MMP2: variants seen among roughly 807,000 people sequenced by gnomAD.
MMP2 encodes the protein 72 kDa type IV collagenase.
MMP2 carries 39 observed loss-of-function variants against 74.8 expected under a neutral mutation model. That is an observed-to-expected ratio of 0.52 (90% confidence interval 0.40 to 0.68). The LOEUF is 0.68. MMP2 is among the 30% of genes least tolerant of loss of function. The pLI is 0.00. For synonymous variants in MMP2, 367 were observed against 339.8 expected (o/e 1.08, Z -0.88); for missense variants, 803 against 878.3 (o/e 0.91, Z 1.08).
Position 55,500,253 on chromosome 16 carries a change from G to A in MMP2, c.1769+1805G>A, listed in dbSNP as rs140511281. 5.6e-3 allele frequency among the ~76,000 whole-genome samples: 799 copies of A among 143,936 alleles called. 14 individuals carry two copies. The highest frequency in any genetic ancestry group is 0.02 in the African/African-American group (756 of 38,208). The allele number at this position is 143,936 out of a possible 152,430, so 94.4% of individuals were successfully genotyped here. ...CACGCACACGCACACACACACACGC[G>A]TACTGCGAATGGCATCTCAGCATTG... On this transcript the variant is annotated intron_variant, in intron 11 of 12. Transcript: ENST00000219070.
intron 10 of MMP2, 64 bp downstream of exon 10, chr16:55,497,126 T>A: frequency 6.2e-7 from 1 of 1,608,370 alleles, no homozygotes; most frequent in Admixed American, 1.7e-5. Flanking sequence ...GGCTCCTGGG[T>A]GTCCCAGGCT....
In MMP2 at chr16:55,505,691, C is replaced by T. The variant is rs746546784; in HGVS notation, c.*249C>T. 9 of 571,358 alleles carry T rather than the reference C, an allele frequency of 1.6e-5. No homozygotes were observed. The highest frequency in any genetic ancestry group is 6.1e-5 in the Admixed American group (2 of 33,004). The allele number at this position is 571,358 out of a possible 1,614,324, so 35.4% of individuals were successfully genotyped here. A position where few individuals can be genotyped will look rare whatever the true frequency, so the allele number is the denominator to read the frequency against. ...AATCCCACCAACCCTCAGAGCCACC[C>T]CTAAAGAGATACTTTGATATTTTCA... On this transcript the variant is annotated 3_prime_UTR_variant, in exon 13 of 13. Transcript: ENST00000219070.
rs28730814 is a variant in MMP2 at position 55,496,952 on chromosome 16, G to T, written c.1499G>T (p.Arg500Leu). 6.2e-7 allele frequency: 1 copy of T among 1,614,076 alleles called. No individual in the cohort carries two copies. Among genetic ancestry groups the T allele is most frequent in the Non-Finnish European group, 8.5e-7 (1 of 1,180,040 alleles). ...TTCATTTGGCGGACTGTGACGCCAC[G>T]TGACAAGCCCATGGGGCCCCTGCTG... The part of the protein sequence containing the change: ...DRFIWRTVTP[R>L]DKPMGPLLVA... The change falls in exon 10 of 13, where the codon CGT becomes CTT. Residue 500 changes from arginine to leucine, a missense_variant. By Grantham distance (102) the Arg-to-Leu change is moderately radical (BLOSUM62 -2). Coordinates refer to ENST00000219070, the MANE Select transcript of MMP2 (RefSeq NM_004530.6).
chr16:55,496,859 G>C, intron 9 of MMP2, 67 bp from the exon 10 acceptor site: 2 of 1,598,740 alleles, frequency 1.3e-6, no homozygotes, highest in Non-Finnish European at 1.7e-6. Context: ...GGGTTTGGGG[G>C]TGTGTGTGGT....
At chr16:55,502,758 A>T in intron 11 of MMP2, 21 bp from the exon 12 acceptor site, 1 of 1,603,108 alleles carries the variant, frequency 6.2e-7, no homozygotes, top group Non-Finnish European at 8.5e-7. Context: ...CTGCTGGTTC[A>T]CTGTGTCTGT....
intron 10 of MMP2, 139 bp from the exon 11 acceptor site, chr16:55,498,150 C>A: frequency 8.9e-7 from 1 of 1,128,296 alleles, no homozygotes; most frequent in Non-Finnish European, 1.3e-6. Context: ...ATTCTGGGCA[C>A]TGCAACCAGG....
At chr16:55,501,245 ACATGG>A (rs1477700827) in intron 11 of MMP2, among the ~76,000 whole-genome samples, 4 of 152,242 alleles carry the variant, frequency 2.6e-5, no homozygotes, top group Admixed American at 6.5e-5. Flanking sequence ...CACCTGCTAT[ACATGG>A]CAACTTCTAC....
intron 10 of MMP2, among the ~76,000 whole-genome samples, chr16:55,497,728 T>G (rs17859979): frequency 0.012 from 1,824 of 152,342 alleles, 39 homozygotes; most frequent in African/African-American, 0.042. Flanking sequence ...AGCATTTCCA[T>G]GCGCTGGGCT....
Position 55,488,525 on chromosome 16 carries a change from TCTCTCCCC to T in MMP2, c.833-16_833-9del, listed in dbSNP as rs774632070. 90 of 1,612,406 alleles carry T rather than the reference TCTCTCCCC, an allele frequency of 5.6e-5. No homozygotes were observed. The highest frequency in any genetic ancestry group is 7.5e-5 in the Non-Finnish European group (88 of 1,179,470). The stretch of plus-strand genomic sequence containing the variant: ...AGCATGTCTCATTCACATCCTTCCC[TCTCTCCCC>T]CACCCTTAGCCCTGTTCACCATGGG... On this transcript the variant is annotated splice_polypyrimidine_tract_variant and intron_variant, in intron 5 of 12. Transcript: ENST00000219070.
In MMP2 at chr16:55,493,253, A is replaced by C. The variant is rs142355142; in HGVS notation, c.1432A>C (p.Ile478Leu). 60 of 1,614,154 alleles carry C rather than the reference A, an allele frequency of 3.7e-5. No individual in the cohort carries two copies. The African/African-American group carries it at 4.8e-4, about 13-fold the overall frequency. The change falls in exon 9 of 13, where the codon ATC becomes CTC. Residue 478 changes from isoleucine to leucine, a missense_variant. Ile to Leu is a conservative substitution (Grantham distance 5). Transcript: ENST00000219070. ...ICKQDIVFDG[I>L]AQIRGEIFFF... is the part of the protein sequence containing the mutation. Reference sequence around the variant, plus strand: ...CAAACAGGACATTGTATTTGATGGCATCGCTCAGATCCGTGGTGAGATCTT... The same window carrying C: ...CAAACAGGACATTGTATTTGATGGCCTCGCTCAGATCCGTGGTGAGATCTT...
chr16:55,479,984 G>GGC (rs1567371351), intron 1 of MMP2: 7 of 295,136 alleles, frequency 2.4e-5, no homozygotes, highest in South Asian at 1.2e-4. Context: ...TTGGCGGGGG[G>GGC]GGGGGGCGGT....
intron 1 of MMP2, chr16:55,479,966 T>G (rs2142339743): frequency 2.8e-5 from 3 of 106,226 alleles, no homozygotes; most frequent in Non-Finnish European, 5.3e-5. Flanking sequence ...CTCTAGTATC[T>G]GGGACATTTG....
chr16:55,487,072 C>T (rs1375908100), intron 5 of MMP2: 1 of 152,180 alleles, frequency 6.6e-6, no homozygotes, highest in Non-Finnish European at 1.5e-5. Flanking sequence ...TTACATGTGG[C>T]GTTAACCCTT....
chr16:55,484,133 G>C lies in MMP2; in HGVS notation c.498G>C (p.Glu166Asp). 1 of 1,614,208 alleles carries C rather than the reference G, an allele frequency of 6.2e-7. No individual in the cohort carries two copies. The highest frequency in any genetic ancestry group is 8.5e-7 in the Non-Finnish European group (1 of 1,180,050). ...PLRFSRIHDG[E>D]ADIMINFGRW... is the part of the protein sequence containing the mutation. Reference sequence around the variant, plus strand: ...GGTTTTCTCGAATCCATGATGGAGAGGCAGACATCATGATCAACTTTGGCC... The same window carrying C: ...GGTTTTCTCGAATCCATGATGGAGACGCAGACATCATGATCAACTTTGGCC... Residue 166 changes from glutamate to aspartate, a missense_variant, in exon 3 of 13, where the codon GAG becomes GAC. Transcript: ENST00000219070.
chr16:55,479,876 G>A, intron 1 of MMP2: 2 of 512,930 alleles, frequency 3.9e-6, no homozygotes, highest in East Asian at 3.7e-5. Context: ...GCAGTGGGGC[G>A]AAAAACAAGC....
chr16:55,481,823 A>G (rs368155473), intron 1 of MMP2: 3 of 750,648 alleles, frequency 4.0e-6, no homozygotes, highest in Non-Finnish European at 7.5e-6. Flanking sequence ...CAAACTGGGA[A>G]ATTTCCTATC....
rs779162345 is a variant in MMP2 at position 55,484,183 on chromosome 16, A to C, written c.529+19A>C. 7 of 1,613,020 alleles carry C rather than the reference A, an allele frequency of 4.3e-6. No individual in the cohort carries two copies. The highest frequency in any genetic ancestry group is 5.1e-6 in the Non-Finnish European group (6 of 1,179,610). ...CGCTGGGGTAGGCAGAAGATGGGGC[A>C]GAAGAGGGGCCAGCAGGGATCAGTG... On this transcript the variant is annotated intron_variant, in intron 3 of 12. Coordinates refer to ENST00000219070, the MANE Select transcript of MMP2 (RefSeq NM_004530.6).
Position 55,485,601 on chromosome 16 carries a change from T to C in MMP2, c.659-3T>C, listed in dbSNP as rs112090713. 6.2e-6 allele frequency: 10 copies of C among 1,613,996 alleles called. No individual in the cohort carries two copies. The highest frequency in any genetic ancestry group is 7.6e-6 in the Non-Finnish European group (9 of 1,180,000). ...AACCTCCCCCTTCCATGTCACTCTT[T>C]AGTGGTCCGTGTGAAGTATGGGAAC... On this transcript the variant is annotated splice_region_variant and splice_polypyrimidine_tract_variant and intron_variant, in intron 4 of 12. Transcript: ENST00000219070.
intron 1 of MMP2, chr16:55,481,984 CAGA>C: frequency 5.3e-6 from 3 of 563,718 alleles, no homozygotes; most frequent in Non-Finnish European, 6.5e-6. Flanking sequence ...GGACCGTTGT[CAGA>C]AGATCTCCTG....
Sources: gnomAD v4.1 joint callset for allele counts (sites outside exome capture counted in the v4.1 genomes callset) on GRCh38, gnomAD v4.1.1 for gene constraint, MANE v1.5 for transcripts, NCBI Gene and HGNC (gene_info 2026-07-23, HGNC 2026-07-21) for gene names.